ARHGAP18: variants seen among roughly 807,000 people sequenced by gnomAD.
ARHGAP18 encodes rho GTPase-activating protein 18.
In ARHGAP18, 67 loss-of-function variants were observed where a neutral mutation model predicts 86.2. The observed-to-expected ratio is 0.78, with a 90% CI of 0.64 to 0.95. The LOEUF (loss-of-function observed/expected upper bound fraction) is 0.95, where lower values mean the gene tolerates loss of function less well. ARHGAP18 is among the 40% of genes least tolerant of loss of function. ARHGAP18 has a pLI of 0.00. For missense variants in ARHGAP18, 691 were observed against 780.4 expected, an observed-to-expected ratio of 0.89 and a Z score of 1.37; for synonymous variants, 283 against 280.4, an observed-to-expected ratio of 1.01 and a Z score of -0.09.
chr6:129,660,974 A>C (rs954709903), intron 1 of ARHGAP18, among the ~76,000 whole-genome samples: 3 of 151,930 alleles, frequency 2.0e-5, no homozygotes, highest in East Asian at 1.9e-4. Flanking sequence ...AAACGGAACC[A>C]AGAAGAAAAG....
chr6:129,647,210 C>T (rs562995217), intron 1 of ARHGAP18, among the ~76,000 whole-genome samples: 1 of 152,256 alleles, frequency 6.6e-6, no homozygotes, highest in East Asian at 1.9e-4. Flanking sequence ...GGCAGAAGTT[C>T]TCTCTGGGCA....
At chr6:129,597,148 A>ATT (rs552291727) in intron 12 of ARHGAP18, among the ~76,000 whole-genome samples, 7 of 143,240 alleles carry the variant, frequency 4.9e-5, no homozygotes, top group East Asian at 2.0e-4. Context: ...ATTGATTAGA[A>ATT]TTTTTTTTTT....
intron 1 of ARHGAP18, among the ~76,000 whole-genome samples, chr6:129,684,495 A>G (rs958400941): frequency 2.6e-5 from 4 of 152,200 alleles, no homozygotes; most frequent in Non-Finnish European, 5.9e-5. Context: ...AATTTTCTCT[A>G]TTGAGAATGT....
chr6:129,628,306 G>A lies in ARHGAP18; in HGVS notation c.786+1047C>T, dbSNP rs148531958. ...TGCTAGAAACTGAAGAAGCAATTAC[G>A]GAAGACTGTGTCAGCCAGTAAGTGT... On this transcript the variant is annotated intron_variant, in intron 5 of 14. Transcript: ENST00000368149. Among the ~76,000 whole-genome samples, 15 of 152,222 alleles carry A rather than the reference G, an allele frequency of 9.9e-5. No homozygotes were observed. In the East Asian group the frequency reaches 2.3e-3, roughly 23 times the overall value.
At chr6:129,609,590 G>T (rs1013323806) in intron 8 of ARHGAP18, among the ~76,000 whole-genome samples, 7 of 151,116 alleles carry the variant, frequency 4.6e-5, no homozygotes, top group African/African-American at 1.5e-4. Flanking sequence ...TGTTTCTGAG[G>T]AATTATATCT....
intron 1 of ARHGAP18, among the ~76,000 whole-genome samples, chr6:129,694,008 G>T (rs1254332985): frequency 6.6e-6 from 1 of 152,148 alleles, no homozygotes; most frequent in East Asian, 1.9e-4. Flanking sequence ...GTAGTAAATA[G>T]CATCTTGGCG....
chr6:129,624,673 A>G (rs13209525), intron 5 of ARHGAP18, among the ~76,000 whole-genome samples: 65,679 of 151,440 alleles, frequency 0.43, 14,621 homozygotes, highest in Middle Eastern at 0.5. Context: ...GGCCAGGCAC[A>G]GTGGCTCATG....
Position 129,584,013 on chromosome 6 carries a change from G to A in ARHGAP18, c.1813C>T (p.Leu605Phe), listed in dbSNP as rs1340405055. ...CTTTCTTGGCTGAGAAACCTGGCAA[G>A]TACATCACTGGCTTTTAGTTCTTCA... is the stretch of plus-strand genomic sequence containing the variant. The part of the protein sequence containing the change: ...LTEELKASDV[L>F]ARFLSQESGV... Residue 605 changes from leucine (L) to phenylalanine (F), a missense_variant, in exon 13 of 15, where the codon CTT (leucine) becomes TTT (phenylalanine). Physicochemically the swap from Leu to Phe is conservative, Grantham distance 22. Coordinates refer to ENST00000368149, the MANE Select transcript of ARHGAP18 (RefSeq NM_033515.3). 1.2e-6 allele frequency: 2 copies of A among 1,613,494 alleles called. No individual in the cohort carries two copies. The highest frequency in any genetic ancestry group is 1.7e-5 in the Admixed American group (1 of 59,972).
chr6:129,584,729 A>G (rs1297324528), intron 12 of ARHGAP18, among the ~76,000 whole-genome samples: 1 of 152,204 alleles, frequency 6.6e-6, no homozygotes, highest in Non-Finnish European at 1.5e-5. Context: ...GGTTTGTAAT[A>G]CCAAAATGTC....
chr6:129,636,244 G>A (rs1349322169), intron 3 of ARHGAP18, among the ~76,000 whole-genome samples: 1 of 152,168 alleles, frequency 6.6e-6, no homozygotes, highest in Non-Finnish European at 1.5e-5. Flanking sequence ...CAAAACTCCT[G>A]TAAGATGGAC....
intron 3 of ARHGAP18, among the ~76,000 whole-genome samples, chr6:129,637,032 C>G (rs1773346759): frequency 6.6e-6 from 1 of 152,084 alleles, no homozygotes; most frequent in Non-Finnish European, 1.5e-5. Context: ...CTGATCTGAG[C>G]CACACAGTTC....
intron 1 of ARHGAP18, among the ~76,000 whole-genome samples, chr6:129,694,436 C>T (rs912641421): frequency 2.0e-5 from 3 of 152,186 alleles, no homozygotes; most frequent in Non-Finnish European, 2.9e-5. Context: ...AAGATAGCCT[C>T]TCCAACTCAG....
intron 5 of ARHGAP18, among the ~76,000 whole-genome samples, chr6:129,619,600 G>A (rs956689517): frequency 5.0e-5 from 6 of 120,074 alleles, no homozygotes; most frequent in African/African-American, 1.6e-4. Context: ...GCAGGGAAGG[G>A]GAGAGGGAAA....
At chr6:129,677,473 T>A (rs889984859) in intron 1 of ARHGAP18, among the ~76,000 whole-genome samples, 3 of 152,324 alleles carry the variant, frequency 2.0e-5, no homozygotes, top group East Asian at 1.9e-4. Context: ...TTACACTAAC[T>A]TATGGTTATG....
Position 129,581,157 on chromosome 6 carries a change from T to A in ARHGAP18, c.1839-1026A>T, listed in dbSNP as rs544450134. ...GCCCTGAAGACACACTCTCTGGAAC[T>A]GAGAAGAGAAAATCAGGTCTGACTT... On this transcript the variant is annotated intron_variant, in intron 13 of 14. Transcript: ENST00000368149. 7.4e-4 allele frequency among the ~76,000 whole-genome samples: 113 copies of A among 152,294 alleles called. 1 individual carries two copies. The highest frequency in any genetic ancestry group is 1.2e-3 in the Non-Finnish European group (81 of 68,002).
chr6:129,662,021 C>G, intron 1 of ARHGAP18: 1 of 664,342 alleles, frequency 1.5e-6, no homozygotes. Flanking sequence ...ACCAAGGGCC[C>G]CTCCCAAGAT....
chr6:129,580,392 A>G (rs1788263900), intron 13 of ARHGAP18, among the ~76,000 whole-genome samples: 1 of 152,258 alleles, frequency 6.6e-6, no homozygotes, highest in African/African-American at 2.4e-5. Context: ...TGTAAAATTC[A>G]AAAGAAAAGT....
chr6:129,600,079 A>C (rs1206508762), intron 11 of ARHGAP18, among the ~76,000 whole-genome samples: 1 of 151,742 alleles, frequency 6.6e-6, no homozygotes, highest in Non-Finnish European at 1.5e-5. Flanking sequence ...AAGCTCCTCA[A>C]ATAAGAGATT....
rs192292200 is a variant in ARHGAP18, at chr6:129,648,540, G to A, written c.114-6522C>T. ...TAATCCCACCACTTTGGGAGGCTGA[G>A]GTGGGAAGAGTGCTTGAGCCCAGAA... On this transcript the variant is annotated intron_variant, in intron 1 of 14. Transcript: ENST00000368149. Among the ~76,000 whole-genome samples the A allele has an allele frequency of 1.2e-3, 184 of 151,858 alleles. 1 individual carries two copies. Among genetic ancestry groups the A allele is most frequent in the Middle Eastern group, 0.01 (3 of 292 alleles).
Sources: allele counts gnomAD v4.1 joint callset (sites outside exome capture counted in the v4.1 genomes callset), GRCh38; gene constraint gnomAD v4.1.1; transcripts MANE v1.5; gene names NCBI Gene and HGNC (gene_info 2026-07-23, HGNC 2026-07-21).